The following CMIP variants were observed in gnomAD, a reference collection of about 807,000 sequenced individuals.
CMIP encodes the protein c-Maf inducing protein.
CMIP carries 13 observed loss-of-function variants against 97.3 expected under a neutral mutation model. That is an observed-to-expected ratio of 0.13 (90% CI 0.09 to 0.21). The LOEUF (loss-of-function observed/expected upper bound fraction) is 0.21. Among genes scored for constraint, CMIP ranks in the 10% least tolerant of loss-of-function variants. The pLI, the probability that CMIP is intolerant of heterozygous loss-of-function variation, is 1.00. For missense variants in CMIP, 847 were observed against 1,024.9 expected, an observed-to-expected ratio of 0.83 and a Z score of 2.37; for synonymous variants, 538 against 436.3, an observed-to-expected ratio of 1.23 and a Z score of -2.91.
At chr16:81,458,478 C>G (rs1906698778) in intron 1 of CMIP, among the ~76,000 whole-genome samples, 1 of 152,188 alleles carries the variant, frequency 6.6e-6, no homozygotes, top group Non-Finnish European at 1.5e-5. Context: ...GGGATCCCGG[C>G]TGATCTCAGT....
intron 2 of CMIP, chr16:81,620,559 C>T (rs1373426686): frequency 1.7e-5 from 5 of 298,524 alleles, no homozygotes; most frequent in African/African-American, 1.1e-4. Context: ...ATCCCATTCC[C>T]TCCCATGCCC....
chr16:81,701,850 G>T (rs779229633), intron 16 of CMIP, 50 bp downstream of exon 16: 3 of 1,606,100 alleles, frequency 1.9e-6, no homozygotes, highest in South Asian at 1.1e-5. Flanking sequence ...AGGCCAGGGG[G>T]GGCCAGGGCG....
In CMIP at chr16:81,704,093, C is replaced by T. The variant is rs1232487512; in HGVS notation, c.2091+8C>T. 3.1e-6 allele frequency: 5 copies of T among 1,600,756 alleles called. No individual in the cohort carries two copies. The highest frequency in any genetic ancestry group is 4.3e-6 in the Non-Finnish European group (5 of 1,175,278). On this transcript the variant is annotated splice_region_variant and intron_variant, in intron 18 of 20. Transcript: ENST00000537098. ...AACCTGTGGTCCACTCAGGTACGTC[C>T]TCCCGCCCTGCTGCAGTCCCCCACA...
intron 1 of CMIP, among the ~76,000 whole-genome samples, chr16:81,536,239 CTTG>C (rs1389178959): frequency 1.3e-5 from 2 of 152,108 alleles, no homozygotes; most frequent in Non-Finnish European, 2.9e-5. Flanking sequence ...TGACCTGGAA[CTTG>C]TTGTGAGGAT....
chr16:81,547,395 G>GTC (rs2150849290), intron 1 of CMIP, among the ~76,000 whole-genome samples: 2 of 152,280 alleles, frequency 1.3e-5, no homozygotes, highest in South Asian at 4.1e-4. Flanking sequence ...CAGGCTCCCT[G>GTC]CTGGCCCTTC....
At chr16:81,509,370 C>T (rs1197971031) in intron 1 of CMIP, among the ~76,000 whole-genome samples, 1 of 152,212 alleles carries the variant, frequency 6.6e-6, no homozygotes, top group African/African-American at 2.4e-5. Context: ...TGGGGGCTTG[C>T]TTCCTGTCAC....
intron 1 of CMIP, among the ~76,000 whole-genome samples, chr16:81,487,900 G>A (rs1017928682): frequency 3.3e-5 from 5 of 152,152 alleles, no homozygotes; most frequent in African/African-American, 2.4e-5. Context: ...CTGCAAACAC[G>A]GTTACTAGAC....
intron 1 of CMIP, among the ~76,000 whole-genome samples, chr16:81,552,419 C>G (rs898584392): frequency 1.3e-5 from 2 of 152,128 alleles, no homozygotes; most frequent in African/African-American, 4.8e-5. Context: ...AACAGATCCC[C>G]CTGGGCTATG....
intron 14 of CMIP, chr16:81,697,174 A>G (rs550451717): frequency 1.2e-5 from 2 of 168,850 alleles, no homozygotes; most frequent in African/African-American, 2.4e-5. Flanking sequence ...TGCATCCATG[A>G]TAACTTTCTT....
chr16:81,689,976 A>G (rs942520670), intron 10 of CMIP, among the ~76,000 whole-genome samples: 4 of 152,016 alleles, frequency 2.6e-5, no homozygotes, highest in Non-Finnish European at 2.9e-5. Context: ...GATGTGTGGT[A>G]TTATTTCTGA....
At chr16:81,476,544 G>A (rs908110923) in intron 1 of CMIP, 19 of 617,256 alleles carry the variant, frequency 3.1e-5, no homozygotes, top group South Asian at 1.5e-5. Context: ...GTTTCCCGAC[G>A]GCGCCGGTGT....
chr16:81,479,470 A>T (rs1908128172), intron 1 of CMIP, among the ~76,000 whole-genome samples: 1 of 152,066 alleles, frequency 6.6e-6, no homozygotes, highest in South Asian at 2.1e-4. Context: ...CATCTTCTCA[A>T]ACTGAAACTG....
At chr16:81,635,296 G>A (rs1377871517) in intron 3 of CMIP, among the ~76,000 whole-genome samples, 1 of 151,588 alleles carries the variant, frequency 6.6e-6, no homozygotes. Context: ...AGGTTCAGAA[G>A]GCCAAGCTGG....
intron 1 of CMIP, among the ~76,000 whole-genome samples, chr16:81,543,493 C>A (rs1015628862): frequency 9.2e-5 from 14 of 152,184 alleles, no homozygotes; most frequent in African/African-American, 3.4e-4. Context: ...CCTCCCTTTT[C>A]CAGCAGAGCA....
At chr16:81,620,795 G>T (rs1343278290) in intron 2 of CMIP, 81 bp from the exon 3 acceptor site, 1 of 1,536,324 alleles carries the variant, frequency 6.5e-7, no homozygotes, top group Non-Finnish European at 9.0e-7. Context: ...CAGGCTTGGG[G>T]GCTCACATGC....
chr16:81,470,590 A>T (rs1907464108), intron 1 of CMIP, among the ~76,000 whole-genome samples: 1 of 152,228 alleles, frequency 6.6e-6, no homozygotes, highest in South Asian at 2.1e-4. Context: ...TTGGGGTTAT[A>T]CTGGCTGGAG....
At chr16:81,693,247 C>G in intron 12 of CMIP, 63 bp downstream of exon 12, 1 of 1,502,228 alleles carries the variant, frequency 6.7e-7, no homozygotes, top group Non-Finnish European at 9.2e-7. Context: ...CTGAGGTCTT[C>G]CCTCCGTGGC....
At chr16:81,490,859 C>T (rs932717442) in intron 1 of CMIP, among the ~76,000 whole-genome samples, 3 of 152,132 alleles carry the variant, frequency 2.0e-5, no homozygotes, top group African/African-American at 4.8e-5. Flanking sequence ...ATAGGGAGCA[C>T]TTGAGATGGG....
chr16:81,481,552 C>T (rs2089221315), intron 1 of CMIP, among the ~76,000 whole-genome samples: 1 of 152,132 alleles, frequency 6.6e-6, no homozygotes, highest in African/African-American at 2.4e-5. Context: ...CATGCCAGGG[C>T]CAGAGCGGCT....
Sources: gnomAD v4.1 joint callset for allele counts (sites outside exome capture counted in the v4.1 genomes callset) on GRCh38, gnomAD v4.1.1 for gene constraint, MANE v1.5 for transcripts, NCBI Gene and HGNC (gene_info 2026-07-23, HGNC 2026-07-21) for gene names.